Variants in EPG5 observed in about 807,000 individuals in gnomAD.
EPG5 encodes ectopic P-granules 5 autophagy tethering factor, also known as ectopic P granules protein 5 homolog.
A neutral mutation model predicts 302.7 loss-of-function variants in EPG5; 159 were observed. The ratio of observed to expected loss-of-function variants is 0.53; its 90% CI spans 0.46 to 0.60. The LOEUF (loss-of-function observed/expected upper bound fraction) is 0.60. Among genes scored for constraint, EPG5 ranks in the 20% least tolerant of loss-of-function variants. The pLI, the probability that EPG5 is intolerant of heterozygous loss-of-function variation, is 0.00. For synonymous variants in EPG5, 1,158 were observed against 1,136.8 expected (o/e 1.02, Z -0.37); for missense variants, 2,896 against 3,092.4 (o/e 0.94, Z 1.51).
chr18:45,914,608 C>A (rs1399942738), intron 20 of EPG5, among the ~76,000 whole-genome samples: 1 of 152,218 alleles, frequency 6.6e-6, no homozygotes, highest in African/African-American at 2.4e-5. Flanking sequence ...CATCATTATT[C>A]CCATTTGACA....
At chr18:45,901,262 A>G in intron 25 of EPG5, 95 bp from the exon 26 acceptor site, 1 of 1,053,962 alleles carries the variant, frequency 9.5e-7, no homozygotes, top group Non-Finnish European at 1.4e-6. Flanking sequence ...CCTATCCTCA[A>G]AAAATTTATA....
chr18:45,905,665 A>G (rs2049731643), intron 24 of EPG5, among the ~76,000 whole-genome samples: 2 of 152,226 alleles, frequency 1.3e-5, no homozygotes, highest in Non-Finnish European at 2.9e-5. Context: ...AAAATACAAA[A>G]CAACCCTGAG....
At chr18:45,877,698 C>T (rs763776799) in intron 34 of EPG5, among the ~76,000 whole-genome samples, 3 of 152,134 alleles carry the variant, frequency 2.0e-5, no homozygotes, top group Non-Finnish European at 1.5e-5. Context: ...GAGTTCTAGT[C>T]GCAGCTTCAG....
Position 45,910,663 on chromosome 18 carries a change from G to C in EPG5, c.4063C>G (p.Arg1355Gly). 6.2e-7 allele frequency: 1 copy of C among 1,614,112 alleles called. No homozygotes were observed. The highest frequency in any genetic ancestry group is 1.3e-5 in the African/African-American group (1 of 75,032). The change falls in exon 23 of 44, where the codon CGT becomes GGT. Residue 1355 changes from arginine (R) to glycine (G), a missense_variant. Around this residue, in one of 5 missense-constraint regions of EPG5, gnomAD observed 790 missense variants for 798.0 expected, o/e 0.99. Coordinates refer to ENST00000282041, the MANE Select transcript of EPG5 (RefSeq NM_020964.3). ...TGGAAGTCAGCCACCTCGGTCAAAC[G>C]TCTCTTCATTTCTTTCAACAAATTG... ...HINLLKEMKRRLTEVADFHHA... is the reference protein window; with the variant it reads ...HINLLKEMKRGLTEVADFHHA...
intron 21 of EPG5, among the ~76,000 whole-genome samples, chr18:45,913,049 T>C (rs926606335): frequency 6.6e-6 from 1 of 150,584 alleles, no homozygotes; most frequent in Non-Finnish European, 1.5e-5. Flanking sequence ...GATTGTGCCA[T>C]TGTAAAATTC....
chr18:45,867,796 G>A (rs1311224417), intron 36 of EPG5, 48 bp from the exon 37 acceptor site: 1 of 1,475,662 alleles, frequency 6.8e-7, no homozygotes, highest in Admixed American at 2.0e-5. Flanking sequence ...TGCTATCTAT[G>A]TATCTGGAAA....
intron 4 of EPG5, 116 bp downstream of exon 4, chr18:45,950,986 C>T (rs745408921): frequency 7.0e-5 from 52 of 745,256 alleles, no homozygotes; most frequent in Non-Finnish European, 9.3e-5. Context: ...CATTAATAAA[C>T]TCATCAAATA....
intron 40 of EPG5, among the ~76,000 whole-genome samples, chr18:45,859,356 C>T (rs2048584420): frequency 6.6e-6 from 1 of 152,260 alleles, no homozygotes; most frequent in Non-Finnish European, 1.5e-5. Context: ...GGCATGGTGA[C>T]ATGCACACCA....
intron 39 of EPG5, among the ~76,000 whole-genome samples, chr18:45,864,892 T>C (rs8095439): frequency 2.0e-4 from 31 of 152,180 alleles, no homozygotes; most frequent in African/African-American, 7.0e-4. Context: ...AACAGGTAAC[T>C]GTCTTTGCCT....
At chr18:45,810,218 A>G in the EPG5 span, among the ~76,000 whole-genome samples, 1 of 152,212 alleles carries the variant, frequency 6.6e-6, no homozygotes, top group East Asian at 1.9e-4. Context: ...TTGAGATGGT[A>G]ATTTAAAAAT....
rs188441163 is a variant in EPG5, at chr18:45,957,363, A to T, written c.64-2025T>A. Among the ~76,000 whole-genome samples, 362 of 152,354 alleles carry T rather than the reference A, an allele frequency of 2.4e-3. 1 individual carries two copies. Among genetic ancestry groups the T allele is most frequent in the Admixed American group, 0.015 (227 of 15,304 alleles). ...GATCCAGAAGTCAGTCACCCAATGC[A>T]TACCTCATACAAACTACTTTGTTAA... is the stretch of plus-strand genomic sequence containing the variant. On this transcript the variant is annotated intron_variant, in intron 1 of 43. Coordinates refer to ENST00000282041, the MANE Select transcript of EPG5 (RefSeq NM_020964.3).
chr18:45,874,548 G>C (rs548154496), intron 35 of EPG5, among the ~76,000 whole-genome samples: 365 of 152,294 alleles, frequency 2.4e-3, no homozygotes, highest in Admixed American at 4.4e-3. Context: ...TGTCTTACAT[G>C]GCAGCAGGCA....
chr18:45,848,187 T>G lies in EPG5; in HGVS notation c.*4280A>C, dbSNP rs1312569503. 2 of 152,186 alleles carry G rather than the reference T, an allele frequency of 1.3e-5. No homozygotes were observed. Among genetic ancestry groups the G allele is most frequent in the African/African-American group, 2.4e-5 (1 of 41,450 alleles). The allele number at this position is 152,186 out of a possible 1,614,324, so 9.4% of individuals were successfully genotyped here. ...ATGGAAGATGGTAGAAGGGGATACT[T>G]TCTTTTAATCAACACACTTATTTCC... is the stretch of plus-strand genomic sequence containing the variant. On this transcript the variant is annotated 3_prime_UTR_variant, in exon 44 of 44. Coordinates refer to ENST00000282041, the MANE Select transcript of EPG5 (RefSeq NM_020964.3).
intron 25 of EPG5, among the ~76,000 whole-genome samples, chr18:45,901,995 T>C (rs2049630203): frequency 6.6e-6 from 1 of 152,040 alleles, no homozygotes; most frequent in African/African-American, 2.4e-5. Flanking sequence ...CTGAATAACA[T>C]GAAGAAAAAT....
Position 45,916,471 on chromosome 18 carries a change from C to T in EPG5, c.3351G>A (p.Gly1117=), listed in dbSNP as rs371129822. 43 of 1,613,664 alleles carry T rather than the reference C, an allele frequency of 2.7e-5. No homozygotes were observed. Among genetic ancestry groups the T allele is most frequent in the Non-Finnish European group, 3.5e-5 (41 of 1,179,610 alleles). The change falls in exon 18 of 44, where the codon GGG becomes GGA. Residue 1117 remains glycine (G), a synonymous_variant. Coordinates refer to ENST00000282041, the MANE Select transcript of EPG5 (RefSeq NM_020964.3). The part of the protein sequence containing the change: ...VAQHLTGASH[G]DNVKLLNSMI... ...TGCTGTTGAGAAGCTTCACGTTGTC[C>T]CCATGGCTGGCTCCTGTCAGGTGCT...
At chr18:45,817,024 C>T in the EPG5 span, among the ~76,000 whole-genome samples, 1 of 152,168 alleles carries the variant, frequency 6.6e-6, no homozygotes, top group Non-Finnish European at 1.5e-5. Context: ...AATGGAAAAC[C>T]AAACACCTTA....
chr18:45,802,491 G>A, the EPG5 span, among the ~76,000 whole-genome samples: 4 of 152,204 alleles, frequency 2.6e-5, no homozygotes, highest in Middle Eastern at 3.4e-3. Context: ...CTGCACTCCA[G>A]CCTGGGCGAC....
chr18:45,872,837 T>C (rs924802903), intron 35 of EPG5, among the ~76,000 whole-genome samples: 1 of 152,214 alleles, frequency 6.6e-6, no homozygotes, highest in Non-Finnish European at 1.5e-5. Flanking sequence ...CAGAGGTTAA[T>C]GATAGCATTC....
At position 45,860,125 on chromosome 18, in the gene EPG5, T is replaced by G. The variant is rs1241113240; in HGVS notation, c.6988A>C (p.Ile2330Leu). Residue 2330 changes from isoleucine to leucine, a missense_variant, in exon 40 of 44, where the codon ATC becomes CTC. Physicochemically the swap from Ile to Leu is conservative, Grantham distance 5 (BLOSUM62 2). Transcript: ENST00000282041. ...RHMAETTEAC[I>L]TAYFKESPLN... ...TTACTTTCTTTGAAGTAGGCAGTGA[T>G]GCAGGCTTCTGTAGTCTCAGCCATG... The G allele has an allele frequency of 6.2e-7, 1 of 1,614,136 alleles. No homozygotes were observed. Among genetic ancestry groups the G allele is most frequent in the Non-Finnish European group, 8.5e-7 (1 of 1,180,052 alleles).
Sources: allele counts gnomAD v4.1 joint callset (sites outside exome capture counted in the v4.1 genomes callset), GRCh38; gene constraint gnomAD v4.1.1; regional missense constraint gnomAD v4.1.1; transcripts MANE v1.5; gene names NCBI Gene and HGNC (gene_info 2026-07-23, HGNC 2026-07-21).